ANO2: variants seen among roughly 807,000 people sequenced by gnomAD.
The protein encoded by ANO2 is anoctamin 2.
Under a neutral mutation model 124.2 loss-of-function variants are expected in ANO2, and 101 were observed. That is an observed-to-expected ratio of 0.81 (90% confidence interval 0.69 to 0.96). ANO2 has a LOEUF of 0.96. ANO2 is among the 40% of genes least tolerant of loss of function. ANO2 has a pLI of 0.00. For missense variants in ANO2, 1,293 were observed against 1,274.5 expected, an observed-to-expected ratio of 1.01 and a Z score of -0.22; for synonymous variants, 486 against 482.5, an observed-to-expected ratio of 1.01 and a Z score of -0.09.
chr12:5,655,763 T>C (rs1051565271), intron 14 of ANO2, among the ~76,000 whole-genome samples: 1 of 152,250 alleles, frequency 6.6e-6, no homozygotes, highest in African/African-American at 2.4e-5. Context: ...CACAAGTGAA[T>C]AAGTGGCAGC....
intron 3 of ANO2, among the ~76,000 whole-genome samples, chr12:5,893,502 T>A (rs77851327): frequency 3.3e-5 from 5 of 151,622 alleles, no homozygotes; most frequent in Admixed American, 6.6e-5. Context: ...TTTTTTTTTT[T>A]AATTATACTT....
intron 3 of ANO2, among the ~76,000 whole-genome samples, chr12:5,883,170 T>C (rs1384522099): frequency 6.6e-6 from 1 of 151,958 alleles, no homozygotes; most frequent in East Asian, 1.9e-4. Context: ...GGGCTTCCCG[T>C]CACTCCCCGC....
chr12:5,898,878 C>T (rs552352694), intron 3 of ANO2, among the ~76,000 whole-genome samples: 129 of 152,276 alleles, frequency 8.5e-4, no homozygotes, highest in Non-Finnish European at 1.5e-3. Context: ...GTGTACTATT[C>T]TGATATATGC....
intron 19 of ANO2, among the ~76,000 whole-genome samples, chr12:5,609,954 T>C (rs1258777239): frequency 4.2e-5 from 6 of 144,282 alleles, no homozygotes; most frequent in African/African-American, 1.3e-4. Context: ...TTATAAAATG[T>C]ATACATACAT....
intron 1 of ANO2, among the ~76,000 whole-genome samples, chr12:5,923,191 C>CATGCACACAT (rs1941880324): frequency 7.9e-6 from 1 of 126,430 alleles, no homozygotes. Flanking sequence ...CACATACACA[C>CATGCACACAT]ACACGCACGC....
chr12:5,678,486 G>T (rs985904294), intron 14 of ANO2, among the ~76,000 whole-genome samples: 4 of 152,134 alleles, frequency 2.6e-5, no homozygotes, highest in Admixed American at 6.5e-5. Context: ...AGGAAAGATG[G>T]ACACATTTGG....
chr12:5,601,461 G>C (rs1011977681), intron 19 of ANO2, among the ~76,000 whole-genome samples: 2 of 152,048 alleles, frequency 1.3e-5, no homozygotes, highest in Non-Finnish European at 2.9e-5. Context: ...AAACTAGATG[G>C]AGCCTACAGA....
At chr12:5,791,785 G>A (rs1464943406) in intron 10 of ANO2, among the ~76,000 whole-genome samples, 1 of 152,154 alleles carries the variant, frequency 6.6e-6, no homozygotes, top group African/African-American at 2.4e-5. Flanking sequence ...AATGCATACA[G>A]TGGATTGATT....
rs992293769 is a variant in ANO2 at position 5,609,648 on chromosome 12, C to T, written c.2087+3008G>A. ...GGAATGGGGGATTGGGATATACATCCTTTAGTGGTTCCATTCAGCCCAAGC... is the reference window on the plus strand; with the variant it reads ...GGAATGGGGGATTGGGATATACATCTTTTAGTGGTTCCATTCAGCCCAAGC... On this transcript the variant is annotated intron_variant, in intron 19 of 24. Coordinates refer to ENST00000682330, the MANE Select transcript of ANO2 (RefSeq NM_001364791.2). 5.3e-5 allele frequency among the ~76,000 whole-genome samples: 8 copies of T among 151,896 alleles called. No individual in the cohort carries two copies. The East Asian group carries it at 1.2e-3, about 22-fold the overall frequency.
intron 16 of ANO2, among the ~76,000 whole-genome samples, chr12:5,629,314 T>C (rs1285118358): frequency 1.3e-5 from 2 of 152,218 alleles, no homozygotes; most frequent in Non-Finnish European, 2.9e-5. Context: ...TACTGCCTCT[T>C]ATTTGAAGAA....
chr12:5,677,276 T>C (rs1268157613), intron 14 of ANO2, among the ~76,000 whole-genome samples: 1 of 152,048 alleles, frequency 6.6e-6, no homozygotes, highest in Non-Finnish European at 1.5e-5. Context: ...ATGCAAACCA[T>C]TATGTCCCCA....
Position 5,707,471 on chromosome 12 carries a change from C to T in ANO2, c.1545+25049G>A, listed in dbSNP as rs548460281. On this transcript the variant is annotated intron_variant, in intron 14 of 24. Coordinates refer to ENST00000682330, the MANE Select transcript of ANO2 (RefSeq NM_001364791.2). ...TCTGTTCTTTATAGTCATTACCACT[C>T]GGTGAGTTAGGTAGGATGGGTCCAT... Among the ~76,000 whole-genome samples, 8 of 152,242 alleles carry T rather than the reference C, an allele frequency of 5.3e-5. No homozygotes were observed. In the South Asian group the frequency reaches 8.3e-4, roughly 16 times the overall value.
chr12:5,870,361 C>T (rs1759435380), intron 3 of ANO2: 1 of 152,206 alleles, frequency 6.6e-6, no homozygotes, highest in South Asian at 2.1e-4. Context: ...GGTCCTGGTG[C>T]CAGCTCTGCC....
At chr12:5,696,789 T>C (rs1329635493) in intron 14 of ANO2, among the ~76,000 whole-genome samples, 1 of 152,226 alleles carries the variant, frequency 6.6e-6, no homozygotes, top group African/African-American at 2.4e-5. Context: ...AGTTGGCTTC[T>C]GTCAGGAGTA....
At chr12:5,860,776 C>T (rs1028958075) in intron 3 of ANO2, among the ~76,000 whole-genome samples, 1 of 152,102 alleles carries the variant, frequency 6.6e-6, no homozygotes, top group African/African-American at 2.4e-5. Context: ...ATTTGCAGAC[C>T]GCCGTTCCCT....
chr12:5,913,672 C>T (rs1941193234), intron 3 of ANO2, among the ~76,000 whole-genome samples: 1 of 152,226 alleles, frequency 6.6e-6, no homozygotes, highest in Non-Finnish European at 1.5e-5. Context: ...GCAGCGTGAC[C>T]TTGGCCAAGC....
At chr12:5,567,043 A>C (rs561730438) in intron 23 of ANO2, among the ~76,000 whole-genome samples, 2 of 152,242 alleles carry the variant, frequency 1.3e-5, no homozygotes, top group Non-Finnish European at 2.9e-5. Context: ...AGACGCACAC[A>C]CAAAGATAAA....
At chr12:5,640,967 A>T (rs1394540079) in intron 15 of ANO2, among the ~76,000 whole-genome samples, 1 of 152,236 alleles carries the variant, frequency 6.6e-6, no homozygotes, top group East Asian at 1.9e-4. Flanking sequence ...AAGACTTGGA[A>T]CCAACCCAAA....
rs1276783831 is a variant in ANO2 at position 5,928,501 on chromosome 12, C to CCAG, written c.23-5698_23-5697insCTG. Among the ~76,000 whole-genome samples, 25 of 143,472 alleles carry CCAG rather than the reference C, an allele frequency of 1.7e-4. 1 individual carries two copies. The highest frequency in any genetic ancestry group is 2.9e-4 in the Admixed American group (4 of 13,724). The allele number at this position is 143,472 out of a possible 152,430, so 94.1% of individuals were successfully genotyped here. A position where few individuals can be genotyped will look rare whatever the true frequency, so the allele number is the denominator to read the frequency against. On this transcript the variant is annotated intron_variant, in intron 1 of 24. Coordinates refer to ENST00000682330, the MANE Select transcript of ANO2 (RefSeq NM_001364791.2). ...TCTACTTTCCTTCCTCACTGGTCTA[C>CCAG]TTTCCTTCCTCTCTAGTCTACCTTC...
Sources: allele counts gnomAD v4.1 joint callset (sites outside exome capture counted in the v4.1 genomes callset), GRCh38; gene constraint gnomAD v4.1.1; transcripts MANE v1.5; gene names NCBI Gene and HGNC (gene_info 2026-07-23, HGNC 2026-07-21).